The following SF3A1 variants were observed in gnomAD, a reference collection of about 807,000 sequenced individuals.
The protein encoded by SF3A1 is splicing factor 3a subunit 1.
A neutral mutation model predicts 89.9 loss-of-function variants in SF3A1; 13 were observed. The ratio of observed to expected loss-of-function variants is 0.14; its 90% confidence interval spans 0.09 to 0.23. The LOEUF (loss-of-function observed/expected upper bound fraction) is 0.23. SF3A1 is among the 10% of genes least tolerant of loss of function. The pLI, the probability that SF3A1 is intolerant of heterozygous loss-of-function variation, is 1.00. For missense variants in SF3A1, 604 were observed against 1,022.1 expected (o/e 0.59, Z 5.58); for synonymous variants, 405 against 374.4 (o/e 1.08, Z -0.94).
intron 5 of SF3A1, 114 bp from the exon 6 acceptor site, chr22:30,342,464 G>C: frequency 8.3e-7 from 1 of 1,204,710 alleles, no homozygotes; most frequent in Non-Finnish European, 1.2e-6. Context: ...CAGAATGGAA[G>C]TATGGTTCCA....
chr22:30,337,539 T>A (rs1482401656), intron 12 of SF3A1, 151 bp downstream of exon 12: 9 of 689,580 alleles, frequency 1.3e-5, no homozygotes, highest in Non-Finnish European at 2.4e-5. Context: ...GCTCTAGGGT[T>A]GCGGATCTTT....
Position 30,341,555 on chromosome 22 carries a change from C to G in SF3A1, c.1071+137G>C. The G allele has an allele frequency of 8.5e-6, 5 of 589,510 alleles. 2 individuals carry two copies. Among genetic ancestry groups the G allele is most frequent in the Non-Finnish European group, 1.5e-5 (5 of 337,496 alleles). The allele number at this position is 589,510 out of a possible 1,614,324, so 36.5% of individuals were successfully genotyped here. On this transcript the variant is annotated intron_variant, in intron 7 of 15. Transcript: ENST00000215793. ...AGGCTCTGTGCTGCCTGGACTTGGG[C>G]AGCTGTATGGCCTTGTTCAGGACCC...
At chr22:30,350,313 T>TAAAAAAAAAAAAAAAAAA (rs898407699) in intron 2 of SF3A1, among the ~76,000 whole-genome samples, 1 of 139,388 alleles carries the variant, frequency 7.2e-6, no homozygotes, top group African/African-American at 2.6e-5. Context: ...CTAAAAAAAA[T>TAAAAAAAAAAAAAAAAAA]AAAAAAAATA....
chr22:30,334,468 A>C lies in SF3A1; in HGVS notation c.*126T>G. 1.6e-6 allele frequency: 1 copy of C among 623,182 alleles called. No homozygotes were observed. The highest frequency in any genetic ancestry group is 2.8e-6 in the Non-Finnish European group (1 of 356,344). 38.6% of individuals were successfully genotyped at this position (623,182 alleles called of 1,614,324 possible). A position where few individuals can be genotyped will look rare whatever the true frequency, so the allele number is the denominator to read the frequency against. On this transcript the variant is annotated 3_prime_UTR_variant, in exon 16 of 16. Coordinates refer to ENST00000215793, the MANE Select transcript of SF3A1 (RefSeq NM_005877.6). ...CCTCTGCAGGACAATTTGAATTCCCAAACTGAGTAAGAGCGAAACAAATAT... is the reference window on the plus strand; with the variant it reads ...CCTCTGCAGGACAATTTGAATTCCCCAACTGAGTAAGAGCGAAACAAATAT...
At chr22:30,338,734 C>A in intron 11 of SF3A1, 55 bp downstream of exon 11, 1 of 1,609,678 alleles carries the variant, frequency 6.2e-7, no homozygotes, top group South Asian at 1.1e-5. Flanking sequence ...CAACAGTGTC[C>A]GACCTCAAGA....
Position 30,341,743 on chromosome 22 carries a change from C to T in SF3A1, c.1020G>A (p.Glu340=). 6.2e-7 allele frequency: 1 copy of T among 1,614,108 alleles called. No homozygotes were observed. Among genetic ancestry groups the T allele is most frequent in the Non-Finnish European group, 8.5e-7 (1 of 1,180,014 alleles). The change falls in exon 7 of 16, where the codon GAG becomes GAA. Residue 340 remains glutamate (E), a synonymous_variant. Coordinates refer to ENST00000215793, the MANE Select transcript of SF3A1 (RefSeq NM_005877.6). ...CCTGGTCCAGCTGGGAAGGAGGCTC[C>T]TCCGCCTTCTCCTGTTTGTCATCCT... ...DEEDDKQEKA[E]EPPSQLDQDT...
Position 30,333,289 on chromosome 22 carries a change from C to G in SF3A1, c.*1305G>C, listed in dbSNP as rs535815507. 1 of 152,330 alleles carries G rather than the reference C, an allele frequency of 6.6e-6. No individual in the cohort carries two copies. Among genetic ancestry groups the G allele is most frequent in the East Asian group, 1.9e-4 (1 of 5,196 alleles). The allele number at this position is 152,330 out of a possible 1,614,324, so 9.4% of individuals were successfully genotyped here. A position where few individuals can be genotyped will look rare whatever the true frequency, so the allele number is the denominator to read the frequency against. ...GTGACTAGAGAGCTGGTTCTGTGAC[C>G]TTGGGAAATGGTCTCACCCCTCTGA... On this transcript the variant is annotated 3_prime_UTR_variant, in exon 16 of 16. Coordinates refer to ENST00000215793, the MANE Select transcript of SF3A1 (RefSeq NM_005877.6).
intron 15 of SF3A1, 79 bp from the exon 16 acceptor site, chr22:30,334,774 G>C: frequency 1.0e-6 from 1 of 994,084 alleles, no homozygotes; most frequent in South Asian, 1.5e-5. Context: ...CTGTGCACTT[G>C]GTCTGTTTGC....
intron 1 of SF3A1, among the ~76,000 whole-genome samples, chr22:30,355,638 G>A (rs4820834): frequency 0.09 from 13,649 of 152,268 alleles, 817 homozygotes; most frequent in Middle Eastern, 0.15. Context: ...ACGCTCCTAA[G>A]TCTATGCTTC....
At chr22:30,339,917 C>T (rs1396302736) in intron 9 of SF3A1, among the ~76,000 whole-genome samples, 4 of 152,206 alleles carry the variant, frequency 2.6e-5, no homozygotes, top group Non-Finnish European at 5.9e-5. Context: ...CTCCAGCCAT[C>T]AATGCTCTCC....
At chr22:30,346,179 C>T in intron 3 of SF3A1, 133 bp downstream of exon 3, 3 of 697,816 alleles carry the variant, frequency 4.3e-6, no homozygotes, top group Non-Finnish European at 7.6e-6. Flanking sequence ...CGGTCTGCCT[C>T]TGAGAGATGG....
rs749466569 is a variant in SF3A1, at chr22:30,346,460, T to C, written c.245A>G (p.Asn82Ser). 1.2e-6 allele frequency: 2 copies of C among 1,614,138 alleles called. No individual in the cohort carries two copies. Among genetic ancestry groups the C allele is most frequent in the Non-Finnish European group, 1.7e-6 (2 of 1,180,016 alleles). Residue 82 changes from asparagine (N) to serine (S), a missense_variant, in exon 3 of 16, where the codon AAC (asparagine) becomes AGC (serine). Around this residue, in one of 9 missense-constraint regions of SF3A1, gnomAD observed 162 missense variants for 229.2 expected, o/e 0.71. Transcript: ENST00000215793. ...RQNEINNPKF[N>S]FLNPNDPYHA... ...GTAAGGGTCATTGGGGTTCAGAAAG[T>C]TGAACTTGGGGTTGTTGATCTCGTT...
At chr22:30,353,597 G>GT (rs1931666138) in intron 1 of SF3A1, among the ~76,000 whole-genome samples, 5 of 152,106 alleles carry the variant, frequency 3.3e-5, no homozygotes, top group Admixed American at 3.3e-4. Flanking sequence ...AAAACTTTTT[G>GT]TTCTGTTAGC....
Position 30,345,165 on chromosome 22 carries a change from G to A in SF3A1, c.419C>T (p.Thr140Ile). 1 of 1,613,998 alleles carries A rather than the reference G, an allele frequency of 6.2e-7. No individual in the cohort carries two copies. Among genetic ancestry groups the A allele is most frequent in the African/African-American group, 1.3e-5 (1 of 75,026 alleles). Reference protein sequence around the residue: ...QKVQAQVIQETIVPKEPPPEF... With the variant: ...QKVQAQVIQEIIVPKEPPPEF... ...AGGAGGAGGCTCTTTGGGCACGATG[G>A]TCTCTTGGATTACTTGGGCTTGGAC... is the stretch of plus-strand genomic sequence containing the variant. Residue 140 changes from threonine (T) to isoleucine (I), a missense_variant, in exon 4 of 16, where the codon ACC becomes ATC. Physicochemically the swap from Thr to Ile is moderately conservative, Grantham distance 89 (BLOSUM62 -1). Transcript: ENST00000215793.
At position 30,334,504 on chromosome 22, in the gene SF3A1, C is replaced by CAA; in HGVS notation, c.*88_*89dup. 1.3e-6 allele frequency: 1 copy of CAA among 765,200 alleles called. No homozygotes were observed. Among genetic ancestry groups the CAA allele is most frequent in the Non-Finnish European group, 2.1e-6 (1 of 473,468 alleles). 47.4% of individuals were successfully genotyped at this position (765,200 alleles called of 1,614,324 possible). ...GAGCGAAACAAATATGCAGGCAAGG[C>CAA]AAAGCCTCAGGGGGGCTCCTGGGTC... On this transcript the variant is annotated 3_prime_UTR_variant, in exon 16 of 16. Transcript: ENST00000215793.
intron 3 of SF3A1, 30 bp downstream of exon 3, chr22:30,346,282 C>T (rs199696349): frequency 1.3e-5 from 19 of 1,442,666 alleles, no homozygotes; most frequent in African/African-American, 2.8e-5. Flanking sequence ...TCAAGCCCTG[C>T]GTAAGTGAAG....
chr22:30,347,332 G>A lies in SF3A1; in HGVS notation c.186-813C>T, dbSNP rs571767679. Among the ~76,000 whole-genome samples the A allele has an allele frequency of 2.0e-5, 3 of 152,128 alleles. No individual in the cohort carries two copies. In the East Asian group the frequency reaches 5.8e-4, roughly 29 times the overall value. Reference sequence around the variant, plus strand: ...ACAAACAAACAAAAAACAAATAGTTGGTTTAACGCCTTGTCCAAGTACTCC... The same window carrying A: ...ACAAACAAACAAAAAACAAATAGTTAGTTTAACGCCTTGTCCAAGTACTCC... On this transcript the variant is annotated intron_variant, in intron 2 of 15. Transcript: ENST00000215793.
intron 7 of SF3A1, among the ~76,000 whole-genome samples, chr22:30,341,026 C>T (rs5749068): frequency 0.045 from 6,787 of 151,708 alleles, 230 homozygotes; most frequent in East Asian, 0.15. Flanking sequence ...CCTAGCACTC[C>T]TCCCAGGCAT....
In SF3A1 at chr22:30,338,823, G is replaced by A. The variant is rs1931160265; in HGVS notation, c.1709C>T (p.Ala570Val). The change falls in exon 11 of 16, where the codon GCT becomes GTT. Residue 570 changes from alanine to valine, a missense_variant. Coordinates refer to ENST00000215793, the MANE Select transcript of SF3A1 (RefSeq NM_005877.6). ...PSSATNIPSS[A>V]PPITSVPRPP... Reference sequence around the variant, plus strand: ...TCGGGGCACTGAAGTGATGGGTGGAGCCGAGCTGGGGATGTTGGTGGCTGA... The same window carrying A: ...TCGGGGCACTGAAGTGATGGGTGGAACCGAGCTGGGGATGTTGGTGGCTGA... The A allele has an allele frequency of 6.2e-7, 1 of 1,614,096 alleles. No individual in the cohort carries two copies. Among genetic ancestry groups the A allele is most frequent in the African/African-American group, 1.3e-5 (1 of 75,056 alleles).
Sources: allele counts gnomAD v4.1 joint callset (sites outside exome capture counted in the v4.1 genomes callset), GRCh38; gene constraint gnomAD v4.1.1; regional missense constraint gnomAD v4.1.1; transcripts MANE v1.5; gene names NCBI Gene and HGNC (gene_info 2026-07-23, HGNC 2026-07-21).